Variants in PAK4 observed in about 807,000 individuals in gnomAD.
The protein encoded by PAK4 is serine/threonine-protein kinase PAK 4.
PAK4 carries 49 observed loss-of-function variants against 53.5 expected under a neutral mutation model. That is an observed-to-expected ratio of 0.92 (90% CI 0.73 to 1.16). PAK4 has a LOEUF of 1.16. Ranked by LOEUF, PAK4 falls within the 50% of genes most tolerant of loss-of-function variation. The pLI is 0.00. For missense variants in PAK4, 824 were observed against 850.7 expected (o/e 0.97, Z 0.39); for synonymous variants, 376 against 375.6 (o/e 1.00, Z -0.01).
chr19:39,164,305 T>TAC (rs929642006), intron 1 of PAK4, among the ~76,000 whole-genome samples: 10 of 147,054 alleles, frequency 6.8e-5, no homozygotes, highest in South Asian at 6.5e-4. Context: ...AAAAGAATTA[T>TAC]ACACACACAC....
intron 2 of PAK4, among the ~76,000 whole-genome samples, chr19:39,172,623 A>T (rs1265811031): frequency 6.6e-6 from 1 of 151,966 alleles, no homozygotes; most frequent in Non-Finnish European, 1.5e-5. Context: ...TCAGGGCAGG[A>T]CTATTCCACC....
intron 1 of PAK4, among the ~76,000 whole-genome samples, chr19:39,146,033 C>G (rs1326205299): frequency 6.6e-6 from 1 of 152,248 alleles, no homozygotes; most frequent in Non-Finnish European, 1.5e-5. Flanking sequence ...TTCATCCATG[C>G]AAAGCCTTCG....
rs1057513215 is a variant in PAK4, at chr19:39,134,551, A to C, written c.-23+8632A>C. On this transcript the variant is annotated intron_variant, in intron 1 of 8. Coordinates refer to ENST00000358301, the Ensembl canonical transcript of PAK4. ...TTTCGCCCTTAGGCCTGTGAGATCCATCTGTGTGCTGAGTGTATCTGTAGT... is the reference window on the plus strand; with the variant it reads ...TTTCGCCCTTAGGCCTGTGAGATCCCTCTGTGTGCTGAGTGTATCTGTAGT... Among the ~76,000 whole-genome samples, 7 of 150,264 alleles carry C rather than the reference A, an allele frequency of 4.7e-5. 1 individual carries two copies. Among genetic ancestry groups the C allele is most frequent in the African/African-American group, 1.8e-4 (7 of 39,640 alleles).
At chr19:39,145,749 G>A (rs1372418412) in intron 1 of PAK4, among the ~76,000 whole-genome samples, 2 of 152,160 alleles carry the variant, frequency 1.3e-5, no homozygotes, top group Non-Finnish European at 2.9e-5. Flanking sequence ...CAGCAGCTGG[G>A]GCAGGAGGGC....
intron 1 of PAK4, among the ~76,000 whole-genome samples, chr19:39,150,880 G>A (rs532339676): frequency 1.6e-4 from 24 of 152,330 alleles, no homozygotes; most frequent in Admixed American, 6.5e-5. Flanking sequence ...GTGTGTGTCC[G>A]CTGGACTTTC....
chr19:39,172,682 C>T (rs904070646), intron 2 of PAK4, among the ~76,000 whole-genome samples: 2 of 152,172 alleles, frequency 1.3e-5, no homozygotes, highest in Non-Finnish European at 1.5e-5. Context: ...AGGGTCCCAC[C>T]GAGCCCAGGG....
At chr19:39,144,832 G>T (rs1410038865) in intron 1 of PAK4, among the ~76,000 whole-genome samples, 1 of 152,146 alleles carries the variant, frequency 6.6e-6, no homozygotes, top group Non-Finnish European at 1.5e-5. Flanking sequence ...GTAAAGAAAT[G>T]AGGAGAGACT....
intron 1 of PAK4, among the ~76,000 whole-genome samples, chr19:39,135,896 C>T (rs1177022340): frequency 6.6e-6 from 1 of 151,198 alleles, no homozygotes; most frequent in Non-Finnish European, 1.5e-5. Context: ...TGACTCCTCT[C>T]TTGCCCCCCC....
chr19:39,132,278 G>A (rs2073727032), intron 1 of PAK4, among the ~76,000 whole-genome samples: 1 of 152,192 alleles, frequency 6.6e-6, no homozygotes, highest in Non-Finnish European at 1.5e-5. Context: ...CTGAAAAACT[G>A]CACACAGCAC....
intron 1 of PAK4, among the ~76,000 whole-genome samples, chr19:39,158,446 C>G (rs1273590426): frequency 6.6e-6 from 1 of 152,140 alleles, no homozygotes; most frequent in Non-Finnish European, 1.5e-5. Context: ...GCCACATCAC[C>G]CCCTTCCCCC....
chr19:39,152,120 A>G (rs1282302753), intron 1 of PAK4: 1 of 148,180 alleles, frequency 6.7e-6, no homozygotes, highest in Non-Finnish European at 1.5e-5. Context: ...TTTTTTGTAG[A>G]GACGAGGTCT....
At chr19:39,130,022 C>CCA (rs979450249) in intron 1 of PAK4, among the ~76,000 whole-genome samples, 14 of 150,098 alleles carry the variant, frequency 9.3e-5, no homozygotes, top group African/African-American at 3.4e-4. Flanking sequence ...CCTGCTGTCC[C>CCA]CAGACGGTGA....
intron 1 of PAK4, among the ~76,000 whole-genome samples, chr19:39,167,699 G>T (rs2074401524): frequency 6.6e-6 from 1 of 152,026 alleles, no homozygotes; most frequent in Non-Finnish European, 1.5e-5. Flanking sequence ...CTCCCACGGG[G>T]CTCCCGCTGC....
chr19:39,164,642 G>T (rs2074339662), intron 1 of PAK4, among the ~76,000 whole-genome samples: 2 of 152,232 alleles, frequency 1.3e-5, no homozygotes, highest in South Asian at 4.2e-4. Context: ...GGCATTTTGG[G>T]GGCCAGCAAA....
chr19:39,149,900 GAA>G (rs2074065710), intron 1 of PAK4, among the ~76,000 whole-genome samples: 1 of 152,126 alleles, frequency 6.6e-6, no homozygotes, highest in Non-Finnish European at 1.5e-5. Context: ...TATATAGAGA[GAA>G]AGAAAGTAGA....
Position 39,161,802 on chromosome 19 carries a change from A to G in PAK4, c.-22-7730A>G, listed in dbSNP as rs2074289243. On this transcript the variant is annotated intron_variant, in intron 1 of 8. Transcript: ENST00000358301. This position sits in a 1 kb window ranked among gnomAD's most constrained non-coding sequence, Gnocchi z 4.5. The stretch of plus-strand genomic sequence containing the variant: ...GTGGCCTCCTCGCTGTCCCTTGACC[A>G]TATCAAGCAAATTCCTACCGCCCTG... Among the ~76,000 whole-genome samples the G allele has an allele frequency of 6.6e-6, 1 of 151,718 alleles. No homozygotes were observed. Among genetic ancestry groups the G allele is most frequent in the Non-Finnish European group, 1.5e-5 (1 of 67,942 alleles).
chr19:39,127,146 G>A (rs2073600922), intron 1 of PAK4, among the ~76,000 whole-genome samples: 1 of 152,070 alleles, frequency 6.6e-6, no homozygotes, highest in African/African-American at 2.4e-5. Flanking sequence ...AGTCCGACGG[G>A]CTTCTGACTG....
At chr19:39,174,078 C>G in intron 4 of PAK4, 68 bp downstream of exon 5, 2 of 952,214 alleles carry the variant, frequency 2.1e-6, no homozygotes, top group African/African-American at 1.6e-5. Flanking sequence ...CCCTCCCCTC[C>G]TCCCTCCTCT....
chr19:39,145,864 G>A (rs1168662990), intron 1 of PAK4, among the ~76,000 whole-genome samples: 2 of 151,866 alleles, frequency 1.3e-5, no homozygotes, highest in African/African-American at 2.4e-5. Context: ...GCCCTCTGGC[G>A]GGGAGTTTAC....
Sources: gnomAD v4.1 joint callset for allele counts (sites outside exome capture counted in the v4.1 genomes callset) on GRCh38, gnomAD v4.1.1 for gene constraint, Gnocchi (gnomAD v3.1) non-coding constraint, MANE v1.5 for transcripts, NCBI Gene and HGNC (gene_info 2026-07-23, HGNC 2026-07-21) for gene names.